Variants in ACBD6 observed in about 807,000 individuals in gnomAD.
The protein encoded by ACBD6 is acyl-CoA binding domain containing 6.
A neutral mutation model predicts 37.2 loss-of-function variants in ACBD6; 28 were observed. That is an observed-to-expected ratio of 0.75 (90% CI 0.56 to 1.03). The LOEUF is 1.03. ACBD6 is among the 50% of genes least tolerant of loss of function. The pLI, the probability that ACBD6 is intolerant of heterozygous loss-of-function variation, is 0.00. For synonymous variants in ACBD6, 113 were observed against 126.8 expected, an observed-to-expected ratio of 0.89 and a Z score of 0.73; for missense variants, 340 against 337.4, an observed-to-expected ratio of 1.01 and a Z score of -0.06.
At chr1:180,304,675 G>T (rs1169748503) in intron 7 of ACBD6, among the ~76,000 whole-genome samples, 1 of 150,716 alleles carries the variant, frequency 6.6e-6, no homozygotes, top group Non-Finnish European at 1.5e-5. Context: ...TGGCCATACT[G>T]CCCAAGGTAA....
chr1:180,271,884 C>T lies in ACBD6; in HGVS notation c.*1341G>A, dbSNP rs1319718953. The T allele has an allele frequency of 1.2e-6, 2 of 1,613,538 alleles. No individual in the cohort carries two copies. Among genetic ancestry groups the T allele is most frequent in the African/African-American group, 1.3e-5 (1 of 74,756 alleles). On this transcript the variant is annotated 3_prime_UTR_variant, in exon 14 of 14. Transcript: ENST00000642319. Reference sequence around the variant, plus strand: ...AAAGAGAAACGCCTGAAGAAGGATGCAGGGCGGCACCGCTGGGGGCAGTTC... The same window carrying T: ...AAAGAGAAACGCCTGAAGAAGGATGTAGGGCGGCACCGCTGGGGGCAGTTC...
At chr1:180,367,274 C>T (rs900379750) in intron 6 of ACBD6, among the ~76,000 whole-genome samples, 3 of 152,148 alleles carry the variant, frequency 2.0e-5, no homozygotes. Context: ...AAATTTGTTT[C>T]ATTAGTCAAC....
At chr1:180,457,792 T>A (rs561641061) in intron 3 of ACBD6, among the ~76,000 whole-genome samples, 2 of 146,046 alleles carry the variant, frequency 1.4e-5, no homozygotes, top group Non-Finnish European at 3.0e-5. Context: ...AAAAATTAAC[T>A]GTTTTTTTTT....
intron 3 of ACBD6, among the ~76,000 whole-genome samples, chr1:180,456,658 T>A (rs761202609): frequency 6.6e-6 from 1 of 152,226 alleles, no homozygotes; most frequent in African/African-American, 2.4e-5. Flanking sequence ...TTTCCACCTA[T>A]ACTTTCCAAC....
intron 5 of ACBD6, among the ~76,000 whole-genome samples, chr1:180,412,301 G>A (rs1222332879): frequency 2.6e-5 from 4 of 152,088 alleles, no homozygotes; most frequent in Non-Finnish European, 4.4e-5. Flanking sequence ...TTGCCTAAAG[G>A]TGAGATAATA....
chr1:180,501,965 C>A, intron 1 of ACBD6, 80 bp downstream of exon 1: 1 of 1,328,984 alleles, frequency 7.5e-7, no homozygotes, highest in Non-Finnish European at 1.1e-6. Context: ...TAGCTATTAA[C>A]CATACATGCT....
chr1:180,335,411 A>G (rs868605733), intron 6 of ACBD6, among the ~76,000 whole-genome samples: 4 of 152,134 alleles, frequency 2.6e-5, no homozygotes, highest in African/African-American at 9.7e-5. Context: ...CAGCCAAACT[A>G]AGCTTCATAA....
At chr1:180,304,235 T>C (rs1650253172) in intron 7 of ACBD6, among the ~76,000 whole-genome samples, 4 of 150,420 alleles carry the variant, frequency 2.7e-5, no homozygotes, top group Admixed American at 1.3e-4. Flanking sequence ...CTATTCAACA[T>C]AGTGTTGGAA....
chr1:180,306,720 T>C (rs1650393969), intron 7 of ACBD6, among the ~76,000 whole-genome samples: 1 of 152,224 alleles, frequency 6.6e-6, no homozygotes, highest in Non-Finnish European at 1.5e-5. Flanking sequence ...AATTTCTGAA[T>C]CTGAAGGTCC....
At chr1:180,383,175 TG>T (rs1395499375) in intron 6 of ACBD6, among the ~76,000 whole-genome samples, 1 of 152,118 alleles carries the variant, frequency 6.6e-6, no homozygotes. Flanking sequence ...AACACAGTAC[TG>T]GAAGTGTTAG....
intron 4 of ACBD6, among the ~76,000 whole-genome samples, chr1:180,415,087 AAAAAACAAAAAC>A (rs1045110685): frequency 6.6e-6 from 1 of 151,634 alleles, no homozygotes; most frequent in South Asian, 2.1e-4. Flanking sequence ...AAAAAAATAA[AAAAAACAAAAAC>A]AAAAACAAAA....
intron 6 of ACBD6, among the ~76,000 whole-genome samples, chr1:180,380,813 A>T (rs1653614295): frequency 6.6e-6 from 1 of 152,196 alleles, no homozygotes; most frequent in South Asian, 2.1e-4. Flanking sequence ...GGAACAAAGG[A>T]TATACAAAAC....
At chr1:180,447,111 A>G (rs1649504585) in intron 3 of ACBD6, among the ~76,000 whole-genome samples, 1 of 152,352 alleles carries the variant, frequency 6.6e-6, no homozygotes, top group South Asian at 2.1e-4. Context: ...ATAAATGCTT[A>G]AATTAGCATT....
intron 2 of ACBD6, among the ~76,000 whole-genome samples, chr1:180,494,606 AG>A (rs1467662129): frequency 6.6e-6 from 1 of 152,238 alleles, no homozygotes; most frequent in Non-Finnish European, 1.5e-5. Context: ...AAATGTATCC[AG>A]GGGACCAGAT....
chr1:180,347,356 G>A (rs1352198939), intron 6 of ACBD6, among the ~76,000 whole-genome samples: 2 of 110,898 alleles, frequency 1.8e-5, no homozygotes, highest in Non-Finnish European at 1.7e-5. Flanking sequence ...TTTTTCAACA[G>A]AAAGTTTTTT....
At chr1:180,465,020 CA>C (rs537426328) in intron 3 of ACBD6, among the ~76,000 whole-genome samples, 1 of 152,130 alleles carries the variant, frequency 6.6e-6, no homozygotes, top group Non-Finnish European at 1.5e-5. Flanking sequence ...ACATCGTACA[CA>C]AAAATCAATT....
intron 3 of ACBD6, among the ~76,000 whole-genome samples, chr1:180,473,684 T>C (rs1054452815): frequency 2.7e-4 from 41 of 152,278 alleles, no homozygotes; most frequent in African/African-American, 8.7e-4. Context: ...AATATATGTA[T>C]ATACAATTTT....
At chr1:180,345,280 A>G (rs1052148182) in intron 6 of ACBD6, among the ~76,000 whole-genome samples, 7 of 152,188 alleles carry the variant, frequency 4.6e-5, no homozygotes, top group African/African-American at 1.7e-4. Flanking sequence ...GAAATCCAGG[A>G]AATAATTATT....
chr1:180,383,454 AT>A (rs1653734462), intron 6 of ACBD6, among the ~76,000 whole-genome samples: 1 of 152,198 alleles, frequency 6.6e-6, no homozygotes, highest in South Asian at 2.1e-4. Flanking sequence ...TATAAAAAAA[AT>A]ACCTGGGAAT....
Sources: allele counts gnomAD v4.1 joint callset (sites outside exome capture counted in the v4.1 genomes callset), GRCh38; gene constraint gnomAD v4.1.1; transcripts MANE v1.5; gene names NCBI Gene and HGNC (gene_info 2026-07-23, HGNC 2026-07-21).